The following RANBP3 variants were observed in gnomAD, a reference collection of about 807,000 sequenced individuals.
The protein encoded by RANBP3 is RAN binding protein 3, also known as ran-binding protein 3.
In RANBP3, 14 loss-of-function variants were observed where a neutral mutation model predicts 77.3. That is an observed-to-expected ratio of 0.18 (90% CI 0.12 to 0.28). The LOEUF is 0.28. RANBP3 is among the 10% of genes least tolerant of loss of function. The pLI is 1.00. For synonymous variants in RANBP3, 315 were observed against 312.4 expected, an observed-to-expected ratio of 1.01 and a Z score of -0.09; for missense variants, 586 against 752.3, an observed-to-expected ratio of 0.78 and a Z score of 2.59.
intron 1 of RANBP3, among the ~76,000 whole-genome samples, chr19:5,968,810 C>T (rs983313318): frequency 7.2e-5 from 11 of 152,306 alleles, no homozygotes; most frequent in African/African-American, 2.4e-4. Context: ...TGCTAGGCAC[C>T]GAGCTTGCCA....
chr19:5,923,738 G>A (rs1044822499), intron 12 of RANBP3, 74 bp downstream of exon 12: 5 of 1,241,380 alleles, frequency 4.0e-6, no homozygotes, highest in East Asian at 2.4e-5. Flanking sequence ...CTCCCGGCTG[G>A]GGGTGTGAAT....
rs79384694 is a variant in RANBP3 at position 5,920,896 on chromosome 19, C to T, written c.1330+305G>A. 1,491 of 215,102 alleles carry T rather than the reference C, an allele frequency of 6.9e-3. 19 individuals carry two copies. The highest frequency in any genetic ancestry group is 0.033 in the African/African-American group (1,416 of 43,440). 13.3% of individuals were successfully genotyped at this position (215,102 alleles called of 1,614,324 possible). On this transcript the variant is annotated intron_variant, in intron 14 of 16. Transcript: ENST00000340578. ...TAGACTTGATGTTTGATTTCATTTTCCTTTCTATCATAAACCTGCCACTTT... is the reference window on the plus strand; with the variant it reads ...TAGACTTGATGTTTGATTTCATTTTTCTTTCTATCATAAACCTGCCACTTT...
chr19:5,928,452 GC>G, intron 8 of RANBP3: 1 of 155,524 alleles, frequency 6.4e-6, no homozygotes, highest in Admixed American at 6.6e-5. Context: ...AAAAAGTACA[GC>G]ACAGCTATTA....
chr19:5,945,666 C>T (rs1224916258), intron 3 of RANBP3, among the ~76,000 whole-genome samples: 1 of 152,174 alleles, frequency 6.6e-6, no homozygotes, highest in Non-Finnish European at 1.5e-5. Flanking sequence ...GTTGACTCGA[C>T]TATTTCTCCC....
rs1222499993 is a variant in RANBP3 at position 5,959,017 on chromosome 19, A to G, written c.23-1044T>C. On this transcript the variant is annotated intron_variant, in intron 1 of 16. Transcript: ENST00000340578. This position sits in a 1 kb window ranked among gnomAD's most constrained non-coding sequence, Gnocchi z 5.1. ...ATTACCCAGGAAGCATGTGCTGCCC[A>G]TGATCACGACGAAGGCACTCTGCTT... Among the ~76,000 whole-genome samples the G allele has an allele frequency of 1.3e-5, 2 of 152,202 alleles. No individual in the cohort carries two copies. The highest frequency in any genetic ancestry group is 2.9e-5 in the Non-Finnish European group (2 of 68,022).
chr19:5,978,028 C>T, intron 1 of RANBP3, 33 bp downstream of exon 1: 1 of 1,608,410 alleles, frequency 6.2e-7, no homozygotes, highest in Non-Finnish European at 8.5e-7. Context: ...CGTTCCCCGG[C>T]CGCCAGCCGG....
intron 3 of RANBP3, among the ~76,000 whole-genome samples, chr19:5,949,837 A>G (rs1396572133): frequency 6.6e-6 from 1 of 152,198 alleles, no homozygotes; most frequent in African/African-American, 2.4e-5. Context: ...CTCTGTGAGA[A>G]GTACGCAGGG....
At chr19:5,949,860 C>T (rs1348665107) in intron 3 of RANBP3, among the ~76,000 whole-genome samples, 2 of 152,200 alleles carry the variant, frequency 1.3e-5, no homozygotes, top group Non-Finnish European at 1.5e-5. Context: ...CAGAACAGCG[C>T]GTGTGCTCTT....
chr19:5,939,355 C>T (rs1309246960), intron 5 of RANBP3, among the ~76,000 whole-genome samples: 1 of 152,186 alleles, frequency 6.6e-6, no homozygotes, highest in Non-Finnish European at 1.5e-5. Flanking sequence ...CGCCAGATCC[C>T]CAGACTATGA....
At chr19:5,928,345 C>CT in intron 8 of RANBP3, 1 of 312,700 alleles carries the variant, frequency 3.2e-6, no homozygotes, top group East Asian at 5.4e-5. Flanking sequence ...CACCTGTGCC[C>CT]TGCAGAAGCC....
At chr19:5,962,534 G>A (rs2145233293) in intron 1 of RANBP3, among the ~76,000 whole-genome samples, 1 of 152,248 alleles carries the variant, frequency 6.6e-6, no homozygotes, top group East Asian at 1.9e-4. Flanking sequence ...CAAGGACAAG[G>A]ACCCAGGGAG....
intron 1 of RANBP3, chr19:5,962,594 G>A: frequency 2.2e-6 from 1 of 452,602 alleles, no homozygotes; most frequent in African/African-American, 2.0e-5. Context: ...TACAGCAATA[G>A]GAGATGAACT....
chr19:5,936,052 A>G (rs2145109119), intron 5 of RANBP3, among the ~76,000 whole-genome samples: 1 of 152,328 alleles, frequency 6.6e-6, no homozygotes, highest in Non-Finnish European at 1.5e-5. Flanking sequence ...CGCCTGCCTC[A>G]GAGAGCCCCA....
chr19:5,976,756 G>T (rs1211001706), intron 1 of RANBP3, among the ~76,000 whole-genome samples: 2 of 152,122 alleles, frequency 1.3e-5, no homozygotes, highest in Non-Finnish European at 2.9e-5. Context: ...AAATAAAATA[G>T]AATAAAATGG....
intron 5 of RANBP3, among the ~76,000 whole-genome samples, chr19:5,940,533 G>A (rs896682972): frequency 2.0e-5 from 3 of 152,208 alleles, no homozygotes; most frequent in African/African-American, 2.4e-5. Context: ...CAAAACCAAC[G>A]TGATGGGAAA....
At chr19:5,954,011 C>T (rs972724169) in intron 2 of RANBP3, among the ~76,000 whole-genome samples, 1 of 152,238 alleles carries the variant, frequency 6.6e-6, no homozygotes, top group Non-Finnish European at 1.5e-5. Context: ...CAATCTGACA[C>T]ATCAACGGGA....
intron 1 of RANBP3, among the ~76,000 whole-genome samples, chr19:5,961,648 A>T (rs562330193): frequency 6.6e-6 from 1 of 152,122 alleles, no homozygotes; most frequent in East Asian, 1.9e-4. Context: ...CAGGAGAATC[A>T]CTTGAACCTG....
intron 6 of RANBP3, 36 bp from the exon 7 acceptor site, chr19:5,932,580 A>T: frequency 6.4e-7 from 1 of 1,568,130 alleles, no homozygotes; most frequent in Non-Finnish European, 8.8e-7. Context: ...GTGCCCGTGG[A>T]CCCCTGCCTG....
intron 1 of RANBP3, 24 bp downstream of exon 1, chr19:5,978,037 G>C: frequency 6.2e-7 from 1 of 1,609,032 alleles, no homozygotes; most frequent in South Asian, 1.1e-5. Flanking sequence ...GCCGCCAGCC[G>C]GTCCCCAACG....
Sources: allele counts gnomAD v4.1 joint callset (sites outside exome capture counted in the v4.1 genomes callset), GRCh38; gene constraint gnomAD v4.1.1; non-coding constraint Gnocchi (gnomAD v3.1); transcripts MANE v1.5; gene names NCBI Gene and HGNC (gene_info 2026-07-23, HGNC 2026-07-21).